Variants in SYAP1 observed in about 807,000 individuals in gnomAD.
SYAP1 encodes synapse associated protein 1.
SYAP1 carries 3 observed loss-of-function variants against 29.6 expected under a neutral mutation model. That is an observed-to-expected ratio of 0.10 (90% confidence interval 0.05 to 0.26). The LOEUF (loss-of-function observed/expected upper bound fraction) is 0.26. SYAP1 is among the 10% of genes least tolerant of loss of function. The probability of loss-of-function intolerance (pLI) is 1.00; values close to 1 mark genes in which losing one functional copy is unlikely to be tolerated. For synonymous variants in SYAP1, 102 were observed against 102.7 expected, an observed-to-expected ratio of 0.99 and a Z score of 0.04; for missense variants, 217 against 264.1, an observed-to-expected ratio of 0.82 and a Z score of 1.24.
At position 16,762,684 on chromosome X, in the gene SYAP1, A is replaced by G. The variant is rs1034605472; in HGVS notation, c.*2325A>G. 2.0e-4 allele frequency: 22 copies of G among 112,072 alleles called. No individual in the cohort carries two copies. The East Asian group carries it at 5.1e-3, about 26-fold the overall frequency. 9.2% of individuals were successfully genotyped at this position (112,072 alleles called of 1,213,427 possible). On this transcript the variant is annotated 3_prime_UTR_variant, in exon 9 of 9. Transcript: ENST00000380155. ...TAAAATGCTAAAATATGAACATCAC[A>G]CTATGGAGATTATGCCTCACTACTC...
chrX:16,744,872 G>T (rs996979874), intron 5 of SYAP1, among the ~76,000 whole-genome samples: 1 of 112,165 alleles, frequency 8.9e-6, no homozygotes, highest in African/African-American at 3.2e-5. Context: ...AAGCTGAGGC[G>T]GGAGGAACAC....
intron 8 of SYAP1, 62 bp from the exon 9 acceptor site, chrX:16,760,158 GAGATGGACCGAA>G: frequency 9.6e-7 from 1 of 1,037,314 alleles, no homozygotes; most frequent in East Asian, 3.3e-5. Flanking sequence ...GTAGGTAATT[GAGATGGACCGAA>G]TTGTGAACAC....
At position 16,760,341 on chromosome X, in the gene SYAP1, G is replaced by A; in HGVS notation, c.1041G>A (p.Met347Ile). The change falls in exon 9 of 9, where the codon ATG becomes ATA. Residue 347 changes from methionine to isoleucine, a missense_variant. Physicochemically the swap from Met to Ile is conservative, Grantham distance 10. Coordinates refer to ENST00000380155, the MANE Select transcript of SYAP1 (RefSeq NM_032796.4). The stretch of plus-strand genomic sequence containing the variant: ...ACTGGGATAAGGAAATAGAGAAAAT[G>A]CTTCAAGAGGAAAATTAGCTGTTCC... ...DENWDKEIEK[M>I]LQEEN 8.4e-7 allele frequency: 1 copy of A among 1,193,975 alleles called. No individual in the cohort carries two copies. The highest frequency in any genetic ancestry group is 1.1e-6 in the Non-Finnish European group (1 of 888,935).
At chrX:16,732,271 G>A (rs976392879) in intron 1 of SYAP1, among the ~76,000 whole-genome samples, 1 of 111,016 alleles carries the variant, frequency 9.0e-6, no homozygotes, top group East Asian at 2.8e-4. Context: ...GAACTCTTTC[G>A]TATATTTTCA....
chrX:16,736,729 C>T (rs1224314452), intron 3 of SYAP1, among the ~76,000 whole-genome samples: 3 of 111,705 alleles, frequency 2.7e-5, no homozygotes, highest in Non-Finnish European at 5.6e-5. Flanking sequence ...AGGCTGGTCT[C>T]GAACTCCTGA....
At chrX:16,744,693 G>C (rs189608647) in intron 5 of SYAP1, among the ~76,000 whole-genome samples, 1 of 111,155 alleles carries the variant, frequency 9.0e-6, no homozygotes, top group Non-Finnish European at 1.9e-5. Context: ...TTAGCCGGGC[G>C]TGGTGGTGTG....
At chrX:16,746,215 A>G (rs1462510856) in intron 5 of SYAP1, among the ~76,000 whole-genome samples, 2 of 101,832 alleles carry the variant, frequency 2.0e-5, no homozygotes, top group Non-Finnish European at 4.0e-5. Flanking sequence ...TAGAAATTTC[A>G]TCTTTAGACT....
Position 16,741,743 on chromosome X carries a change from C to T in SYAP1, c.389C>T (p.Thr130Ile), listed in dbSNP as rs373662849. Residue 130 changes from threonine to isoleucine, a missense_variant, in exon 4 of 9, where the codon ACT (threonine) becomes ATT (isoleucine). Thr to Ile is a moderately conservative substitution (Grantham distance 89). Transcript: ENST00000380155. ...GCAGCTGTGCCCCCATGGGTTGACA[C>T]TAACGATGAAGAAACAATTCAACAA... ...SEAAVPPWVD[T>I]NDEETIQQQI... The T allele has an allele frequency of 6.6e-6, 8 of 1,207,401 alleles. No individual in the cohort carries two copies. Among genetic ancestry groups the T allele is most frequent in the Non-Finnish European group, 7.8e-6 (7 of 893,548 alleles).
intron 8 of SYAP1, among the ~76,000 whole-genome samples, chrX:16,759,694 G>A (rs1459014681): frequency 1.8e-5 from 2 of 111,725 alleles, no homozygotes; most frequent in Admixed American, 9.6e-5. Flanking sequence ...GCTGTCAAAC[G>A]GTGTGATCTT....
chrX:16,740,739 A>G (rs1280405720), intron 3 of SYAP1, among the ~76,000 whole-genome samples: 2 of 111,316 alleles, frequency 1.8e-5, no homozygotes, highest in Non-Finnish European at 3.8e-5. Context: ...ATCATAGTAT[A>G]GTTAACGGCA....
intron 1 of SYAP1, among the ~76,000 whole-genome samples, chrX:16,730,583 G>A (rs1291827324): frequency 2.7e-5 from 3 of 112,185 alleles, no homozygotes; most frequent in African/African-American, 9.7e-5. Context: ...AAGCAGGCAA[G>A]TTGTACAGCT....
intron 1 of SYAP1, 30 bp downstream of exon 1, chrX:16,719,929 A>C: frequency 1.8e-6 from 2 of 1,122,174 alleles, no homozygotes; most frequent in Non-Finnish European, 2.4e-6. Context: ...GGGACCGGGA[A>C]GGGGGGGGCG....
chrX:16,749,910 C>CA (rs201193907), intron 5 of SYAP1, among the ~76,000 whole-genome samples: 215 of 57,929 alleles, frequency 3.7e-3, no homozygotes, highest in Middle Eastern at 0.023. Context: ...GACTCCATCT[C>CA]AAAAAAAAAA....
intron 1 of SYAP1, among the ~76,000 whole-genome samples, chrX:16,722,080 G>C (rs770543076): frequency 3.6e-5 from 4 of 111,391 alleles, no homozygotes; most frequent in African/African-American, 1.0e-4. Flanking sequence ...AACTGTGAGA[G>C]ACAAGAGAGA....
At chrX:16,740,786 C>G (rs765143776) in intron 3 of SYAP1, among the ~76,000 whole-genome samples, 1 of 111,197 alleles carries the variant, frequency 9.0e-6, no homozygotes, top group Non-Finnish European at 1.9e-5. Context: ...CTTTACTGTT[C>G]ATCAGTTAAT....
In SYAP1 at chrX:16,742,143, GTTTTTTTT is replaced by G. The variant is rs144175479; in HGVS notation, c.435+373_435+380del. Among the ~76,000 whole-genome samples, 196 of 41,864 alleles carry G rather than the reference GTTTTTTTT, an allele frequency of 4.7e-3. 1 individual carries two copies. The highest frequency in any genetic ancestry group is 0.012 in the Admixed American group (37 of 3,138). The allele number at this position is 41,864 out of a possible 115,157, so 36.4% of individuals were successfully genotyped here. ...ACCATGCCCAGCTAATTTTTGTGTG[GTTTTTTTT>G]TTTTTTTTTTTTTTTTTTGAGACAA... On this transcript the variant is annotated intron_variant, in intron 4 of 8. Transcript: ENST00000380155.
chrX:16,733,602 G>A (rs1319454279), intron 1 of SYAP1, among the ~76,000 whole-genome samples: 1 of 111,305 alleles, frequency 9.0e-6, no homozygotes, highest in Admixed American at 9.6e-5. Context: ...CCTGCCTCAA[G>A]TCTCTTTCAG....
rs1454709227 is a variant in SYAP1, at chrX:16,735,308, C to A, written c.257C>A (p.Ser86Tyr). The change falls in exon 2 of 9, where the codon TCC becomes TAC. Residue 86 changes from serine to tyrosine, a missense_variant. Physicochemically the swap from Ser to Tyr is moderately radical, Grantham distance 144. Transcript: ENST00000380155. ...GAAACAGCACAAACAATAAAGAAAT[C>A]CGTAGAAGAAGGAAAAATAGATGGC... ...VAETAQTIKK[S>Y]VEEGKIDGII... The A allele has an allele frequency of 8.4e-7, 1 of 1,191,735 alleles. No homozygotes were observed. The highest frequency in any genetic ancestry group is 3.0e-5 in the East Asian group (1 of 33,419).
intron 1 of SYAP1, among the ~76,000 whole-genome samples, chrX:16,734,899 T>A (rs1018479162): frequency 1.9e-5 from 2 of 103,138 alleles, no homozygotes; most frequent in African/African-American, 3.6e-5. Flanking sequence ...CTCGAGAGGC[T>A]GAGGCAGAAG....
Sources: allele counts gnomAD v4.1 joint callset (sites outside exome capture counted in the v4.1 genomes callset), GRCh38; gene constraint gnomAD v4.1.1; transcripts MANE v1.5; gene names NCBI Gene and HGNC (gene_info 2026-07-23, HGNC 2026-07-21).